ALK: variants seen among roughly 807,000 people sequenced by gnomAD.
The protein encoded by ALK is ALK receptor tyrosine kinase.
A neutral mutation model predicts 163.1 loss-of-function variants in ALK; 74 were observed. The ratio of observed to expected loss-of-function variants is 0.45; its 90% confidence interval spans 0.38 to 0.55. The LOEUF is 0.55. Ranked by LOEUF, ALK falls within the 20% of genes least tolerant of loss-of-function variation. The probability of loss-of-function intolerance (pLI) is 0.00; values close to 1 mark genes in which losing one functional copy is unlikely to be tolerated. For synonymous variants in ALK, 960 were observed against 843.2 expected (o/e 1.14, Z -2.40); for missense variants, 2,063 against 2,105.3 (o/e 0.98, Z 0.39).
intron 4 of ALK, among the ~76,000 whole-genome samples, chr2:29,490,465 C>T (rs769866536): frequency 2.0e-5 from 3 of 152,222 alleles, no homozygotes; most frequent in Non-Finnish European, 4.4e-5. Flanking sequence ...GCATCAGCAT[C>T]ATCTGGGGAC....
intron 18 of ALK, among the ~76,000 whole-genome samples, chr2:29,226,042 T>C (rs900529034): frequency 1.3e-5 from 2 of 152,124 alleles, no homozygotes; most frequent in Non-Finnish European, 2.9e-5. Flanking sequence ...TGCTTGGTAC[T>C]GGACACTACA....
intron 4 of ALK, among the ~76,000 whole-genome samples, chr2:29,420,687 G>A (rs1669996048): frequency 6.6e-6 from 1 of 151,542 alleles, no homozygotes; most frequent in South Asian, 2.1e-4. Flanking sequence ...TGAATAAGCA[G>A]GCAGAGTGGA....
chr2:29,319,888 C>G (rs1666961632), intron 7 of ALK, among the ~76,000 whole-genome samples: 1 of 152,246 alleles, frequency 6.6e-6, no homozygotes, highest in Non-Finnish European at 1.5e-5. Context: ...ATTGGAGGGT[C>G]TCTAGTTCCA....
intron 26 of ALK, among the ~76,000 whole-genome samples, chr2:29,205,660 C>T (rs1365209704): frequency 6.6e-6 from 1 of 152,176 alleles, no homozygotes; most frequent in Non-Finnish European, 1.5e-5. Flanking sequence ...CCTCTGTGCT[C>T]ACACTCCCTC....
At chr2:29,800,392 A>G (rs982033171) in intron 1 of ALK, among the ~76,000 whole-genome samples, 1 of 152,208 alleles carries the variant, frequency 6.6e-6, no homozygotes, top group Non-Finnish European at 1.5e-5. Context: ...AAGGAATGTG[A>G]ACCATTACTT....
intron 3 of ALK, among the ~76,000 whole-genome samples, chr2:29,563,178 A>T (rs892094756): frequency 6.6e-6 from 1 of 152,220 alleles, no homozygotes; most frequent in South Asian, 2.1e-4. Context: ...TTCAAATTCA[A>T]TGTAGGTATA....
intron 6 of ALK, 65 bp downstream of exon 6, chr2:29,328,285 T>C (rs1667334189): frequency 1.9e-6 from 3 of 1,612,064 alleles, no homozygotes; most frequent in Non-Finnish European, 2.5e-6. Flanking sequence ...CCTGGGATAA[T>C]GGGGACAACG....
At chr2:29,919,252 G>A (rs1419616367) in intron 1 of ALK, among the ~76,000 whole-genome samples, 1 of 152,184 alleles carries the variant, frequency 6.6e-6, no homozygotes, top group Non-Finnish European at 1.5e-5. Context: ...AAGAAAAGCA[G>A]GAAAACCAAC....
chr2:29,406,574 G>A lies in ALK; in HGVS notation c.1155-22715C>T, dbSNP rs1669589562. Among the ~76,000 whole-genome samples, 4 of 152,160 alleles carry A rather than the reference G, an allele frequency of 2.6e-5. No homozygotes were observed. The South Asian group carries it at 8.3e-4, about 32-fold the overall frequency. The stretch of plus-strand genomic sequence containing the variant: ...CTTTGCAGAGCCTGCATGGAGCTGG[G>A]AGGGTACCCAATTCATGGATTTTCT... On this transcript the variant is annotated intron_variant, in intron 4 of 28. Coordinates refer to ENST00000389048, the MANE Select transcript of ALK (RefSeq NM_004304.5).
intron 4 of ALK, among the ~76,000 whole-genome samples, chr2:29,453,631 G>C (rs929567053): frequency 1.3e-5 from 2 of 152,100 alleles, no homozygotes; most frequent in Non-Finnish European, 2.9e-5. Context: ...CTACATAGTA[G>C]ATATTAAATA....
chr2:29,645,255 C>A (rs1676838974), intron 3 of ALK, among the ~76,000 whole-genome samples: 1 of 152,062 alleles, frequency 6.6e-6, no homozygotes, highest in South Asian at 2.1e-4. Context: ...GTCTGGAAAT[C>A]TTAATTAAAT....
In ALK at chr2:29,417,890, C is replaced by G. The variant is rs1028774129; in HGVS notation, c.1155-34031G>C. Among the ~76,000 whole-genome samples, 6 of 152,288 alleles carry G rather than the reference C, an allele frequency of 3.9e-5. No homozygotes were observed. In the South Asian group the frequency reaches 1.2e-3, roughly 32 times the overall value. On this transcript the variant is annotated intron_variant, in intron 4 of 28. Coordinates refer to ENST00000389048, the MANE Select transcript of ALK (RefSeq NM_004304.5). ...TGCTTTAGACCCGAACGCATTTACC[C>G]TAGTGGCTGAGCTTGTAAATTGTAT... is the stretch of plus-strand genomic sequence containing the variant.
chr2:29,249,166 G>T (rs1664757219), intron 12 of ALK, among the ~76,000 whole-genome samples: 1 of 152,176 alleles, frequency 6.6e-6, no homozygotes, highest in African/African-American at 2.4e-5. Flanking sequence ...CACAGCCCAA[G>T]AGAATCCCCA....
rs1407820740 is a variant in ALK, at chr2:29,921,573, G to T, written c.-914C>A. 3 of 230,672 alleles carry T rather than the reference G, an allele frequency of 1.3e-5. No individual in the cohort carries two copies. The highest frequency in any genetic ancestry group is 6.1e-5 in the East Asian group (1 of 16,458). 14.3% of individuals were successfully genotyped at this position (230,672 alleles called of 1,614,324 possible). ...TACCACCGCTGCCGCCCCCAGAGCC[G>T]CTGGATCGCATCTGCCTGGGCGCCC... On this transcript the variant is annotated 5_prime_UTR_variant, in exon 1 of 29. Transcript: ENST00000389048.
At chr2:29,866,184 G>T (rs1006432663) in intron 1 of ALK, among the ~76,000 whole-genome samples, 3 of 152,114 alleles carry the variant, frequency 2.0e-5, no homozygotes, top group Admixed American at 2.0e-4. Context: ...GCTGCAGATG[G>T]GGCACTTCCT....
At chr2:29,680,888 T>C (rs1678044307) in intron 3 of ALK, 1 of 152,194 alleles carries the variant, frequency 6.6e-6, no homozygotes. Context: ...TTTTGCTATC[T>C]TTGTTAGTTT....
chr2:29,235,960 A>G (rs1466943797), intron 13 of ALK, among the ~76,000 whole-genome samples: 3 of 138,996 alleles, frequency 2.2e-5, no homozygotes, highest in African/African-American at 5.4e-5. Context: ...CTCTTGCCTC[A>G]GCCGCCTGAG....
At chr2:29,694,629 T>A (rs1416024245) in intron 3 of ALK, among the ~76,000 whole-genome samples, 1 of 152,228 alleles carries the variant, frequency 6.6e-6, no homozygotes, top group Non-Finnish European at 1.5e-5. Context: ...CCTACTTTTA[T>A]TACTTGTTAA....
At chr2:29,358,692 A>G (rs1299304851) in intron 5 of ALK, among the ~76,000 whole-genome samples, 1 of 152,170 alleles carries the variant, frequency 6.6e-6, no homozygotes. Flanking sequence ...ACAGCATCTC[A>G]TCTGCACCTC....
Sources: allele counts gnomAD v4.1 joint callset (sites outside exome capture counted in the v4.1 genomes callset), GRCh38; gene constraint gnomAD v4.1.1; transcripts MANE v1.5; gene names NCBI Gene and HGNC (gene_info 2026-07-23, HGNC 2026-07-21).